The following TENM3 variants were observed in gnomAD, a reference collection of about 807,000 sequenced individuals.
The protein encoded by TENM3 is teneurin-3.
In TENM3, 63 loss-of-function variants were observed where a neutral mutation model predicts 255.1. The observed-to-expected ratio is 0.25, with a 90% CI of 0.20 to 0.30. TENM3 has a LOEUF of 0.30. Ranked by LOEUF, TENM3 falls within the 10% of genes least tolerant of loss-of-function variation. The pLI is 1.00. For missense variants in TENM3, 2,929 were observed against 3,461.1 expected, an observed-to-expected ratio of 0.85 and a Z score of 3.86; for synonymous variants, 1,306 against 1,322.3, an observed-to-expected ratio of 0.99 and a Z score of 0.27.
At chr4:182,763,035 A>C (rs916834509) in intron 22 of TENM3, among the ~76,000 whole-genome samples, 2 of 152,132 alleles carry the variant, frequency 1.3e-5, no homozygotes, top group South Asian at 4.2e-4. Flanking sequence ...GTAAAGAAAT[A>C]CTCCTTTGTA....
chr4:182,250,772 A>G (rs1441741847), intron 1 of TENM3, among the ~76,000 whole-genome samples: 1 of 152,220 alleles, frequency 6.6e-6, no homozygotes, highest in Non-Finnish European at 1.5e-5. Context: ...AAGCATTTTT[A>G]TATTTCTGTT....
the TENM3 span, among the ~76,000 whole-genome samples, chr4:182,025,054 A>C: frequency 7.0e-4 from 71 of 100,732 alleles, no homozygotes; most frequent in Non-Finnish European, 1.2e-3. Flanking sequence ...TTTGAGATGG[A>C]GTCTTGCTTT....
the TENM3 span, among the ~76,000 whole-genome samples, chr4:181,499,931 C>T: frequency 6.6e-5 from 10 of 152,166 alleles, no homozygotes; most frequent in Non-Finnish European, 1.3e-4. Flanking sequence ...CATACTGCTC[C>T]AGCACATCTT....
At chr4:181,780,982 T>G in the TENM3 span, among the ~76,000 whole-genome samples, 4 of 152,184 alleles carry the variant, frequency 2.6e-5, no homozygotes, top group African/African-American at 9.6e-5. Flanking sequence ...TTGGTCTATA[T>G]CTCTGTTTTG....
chr4:181,726,127 T>C, the TENM3 span, among the ~76,000 whole-genome samples: 1 of 152,072 alleles, frequency 6.6e-6, no homozygotes, highest in Admixed American at 6.5e-5. Flanking sequence ...AATATAAATA[T>C]ATTTTATGAA....
the TENM3 span, among the ~76,000 whole-genome samples, chr4:181,864,234 A>G: frequency 6.6e-6 from 1 of 152,214 alleles, no homozygotes; most frequent in Non-Finnish European, 1.5e-5. Context: ...GCAAAGAACT[A>G]TCAGTTCTGT....
At chr4:181,641,245 T>C in the TENM3 span, among the ~76,000 whole-genome samples, 14 of 152,066 alleles carry the variant, frequency 9.2e-5, no homozygotes, top group Non-Finnish European at 2.9e-5. Context: ...TGCAGGTTTG[T>C]TACATGGGTA....
the TENM3 span, among the ~76,000 whole-genome samples, chr4:182,119,814 AC>A: frequency 6.6e-6 from 1 of 151,996 alleles, no homozygotes; most frequent in Non-Finnish European, 1.5e-5. Flanking sequence ...TCAAGCTCCC[AC>A]CTCAGATCCC....
upstream of TENM3, among the ~76,000 whole-genome samples, chr4:182,140,439 C>T (rs1296798325): frequency 6.6e-6 from 1 of 152,144 alleles, no homozygotes; most frequent in African/African-American, 2.4e-5. Flanking sequence ...TACCCCGTTC[C>T]TCATCGTTCC....
chr4:181,947,790 A>T, the TENM3 span, among the ~76,000 whole-genome samples: 1 of 152,170 alleles, frequency 6.6e-6, no homozygotes, highest in Non-Finnish European at 1.5e-5. Flanking sequence ...GTGCAGTATC[A>T]GTGGCAAAAT....
rs115992090 is a variant in TENM3 at position 182,621,567 on chromosome 4, A to G, written c.750-7084A>G. On this transcript the variant is annotated intron_variant, in intron 4 of 27. Coordinates refer to ENST00000511685, the MANE Select transcript of TENM3 (RefSeq NM_001080477.4). ...TGCTTAAGGGTAGGAGATTGAGGTC[A>G]GCCTGAACAACATAGGGAGACCCCC... Among the ~76,000 whole-genome samples the G allele has an allele frequency of 7.4e-3, 949 of 127,594 alleles. 14 individuals are homozygous for G. The highest frequency in any genetic ancestry group is 0.026 in the African/African-American group (881 of 33,664). 83.7% of individuals were successfully genotyped at this position (127,594 alleles called of 152,430 possible).
chr4:182,775,060 T>C lies in TENM3; in HGVS notation c.5211T>C (p.Thr1737=), dbSNP rs1444784362. The C allele has an allele frequency of 1.2e-6, 2 of 1,613,880 alleles. No individual in the cohort carries two copies. The highest frequency in any genetic ancestry group is 1.7e-6 in the Non-Finnish European group (2 of 1,179,898). ...CGACGGTTGCCAAAAGAAACATGAC[T>C]TTGCCTGGCGAGAACGGTCAAAACT... ...ANPTVAKRNM[T]LPGENGQNLV... Residue 1737 remains threonine, a synonymous_variant, in exon 24 of 28, where the codon ACT becomes ACC. Coordinates refer to ENST00000511685, the MANE Select transcript of TENM3 (RefSeq NM_001080477.4).
the TENM3 span, among the ~76,000 whole-genome samples, chr4:181,553,644 T>C: frequency 6.6e-6 from 1 of 151,974 alleles, no homozygotes; most frequent in African/African-American, 2.4e-5. Flanking sequence ...GGTTTCACCG[T>C]GTTAGCCAGG....
chr4:181,517,446 G>C, the TENM3 span, among the ~76,000 whole-genome samples: 1 of 152,162 alleles, frequency 6.6e-6, no homozygotes, highest in Admixed American at 6.5e-5. Context: ...CCTGAAAAGA[G>C]AGCAGAGAAG....
At chr4:182,625,077 A>G (rs769747499) in intron 4 of TENM3, among the ~76,000 whole-genome samples, 4 of 152,206 alleles carry the variant, frequency 2.6e-5, no homozygotes, top group Non-Finnish European at 5.9e-5. Context: ...AAACAACAAT[A>G]CAGTGCTTAG....
the TENM3 span, among the ~76,000 whole-genome samples, chr4:181,551,807 A>AATATATATAT: frequency 1.4e-5 from 2 of 140,972 alleles, no homozygotes; most frequent in African/African-American, 5.3e-5. Flanking sequence ...GGCAGTTAAT[A>AATATATATAT]ATATATATAT....
chr4:181,940,197 GT>G, the TENM3 span, among the ~76,000 whole-genome samples: 1 of 152,112 alleles, frequency 6.6e-6, no homozygotes, highest in African/African-American at 2.4e-5. Context: ...TGTAAAGTTG[GT>G]CTGTCCCTTT....
At chr4:181,897,178 C>T in the TENM3 span, among the ~76,000 whole-genome samples, 1 of 152,200 alleles carries the variant, frequency 6.6e-6, no homozygotes, top group South Asian at 2.1e-4. Context: ...CCCAGATCTG[C>T]AGCCTAGCAG....
the TENM3 span, among the ~76,000 whole-genome samples, chr4:181,738,644 G>A: frequency 2.0e-5 from 3 of 151,956 alleles, no homozygotes; most frequent in Non-Finnish European, 4.4e-5. Flanking sequence ...TGTATTTTTA[G>A]ATTAGTTTTC....
Sources: gnomAD v4.1 joint callset for allele counts (sites outside exome capture counted in the v4.1 genomes callset) on GRCh38, gnomAD v4.1.1 for gene constraint, MANE v1.5 for transcripts, NCBI Gene and HGNC (gene_info 2026-07-23, HGNC 2026-07-21) for gene names.